DCLK2: variants seen among roughly 807,000 people sequenced by gnomAD.
DCLK2 encodes the protein serine/threonine-protein kinase DCLK2.
A neutral mutation model predicts 78.4 loss-of-function variants in DCLK2; 31 were observed. That is an observed-to-expected ratio of 0.40 (90% CI 0.30 to 0.53). DCLK2 has a LOEUF of 0.53. DCLK2 is among the 20% of genes least tolerant of loss of function. The pLI, the probability that DCLK2 is intolerant of heterozygous loss-of-function variation, is 0.61. For synonymous variants in DCLK2, 407 were observed against 374.9 expected (o/e 1.09, Z -0.99); for missense variants, 872 against 973.7 (o/e 0.90, Z 1.39).
At chr4:150,185,715 A>T (rs993727740) in intron 2 of DCLK2, among the ~76,000 whole-genome samples, 1 of 1,460 alleles carries the variant, frequency 6.8e-4, no homozygotes, top group Non-Finnish European at 2.1e-3. Flanking sequence ...TTTCATCTCA[A>T]AAAAAAAAAA....
intron 15 of DCLK2, among the ~76,000 whole-genome samples, chr4:150,250,168 A>G (rs547497465): frequency 2.0e-5 from 3 of 152,220 alleles, no homozygotes; most frequent in Non-Finnish European, 4.4e-5. Flanking sequence ...GGGCTTTTAA[A>G]GGTACATAAT....
chr4:150,101,814 A>C (rs927713903), intron 1 of DCLK2, among the ~76,000 whole-genome samples: 2 of 152,194 alleles, frequency 1.3e-5, no homozygotes, highest in African/African-American at 4.8e-5. Flanking sequence ...ATTTAAGTAG[A>C]TACAGAAAAG....
At chr4:150,242,049 G>A (rs1463317375) in intron 12 of DCLK2, among the ~76,000 whole-genome samples, 1 of 152,090 alleles carries the variant, frequency 6.6e-6, no homozygotes, top group Non-Finnish European at 1.5e-5. Flanking sequence ...ATTTTATTGT[G>A]AAAACTTTCA....
chr4:150,247,472 A>G (rs1743410129), intron 12 of DCLK2, 131 bp from the exon 13 acceptor site: 2 of 646,838 alleles, frequency 3.1e-6, no homozygotes, highest in Admixed American at 2.7e-5. Flanking sequence ...ATTGAGATAC[A>G]TAATTGAGAT....
At chr4:150,223,140 T>G (rs2126537327) in intron 7 of DCLK2, among the ~76,000 whole-genome samples, 1 of 152,304 alleles carries the variant, frequency 6.6e-6, no homozygotes, top group Admixed American at 6.5e-5. Flanking sequence ...GTTCTCTGAG[T>G]CCTTTTACCC....
intron 5 of DCLK2, among the ~76,000 whole-genome samples, chr4:150,215,825 G>A (rs760437451): frequency 3.3e-5 from 5 of 152,198 alleles, no homozygotes; most frequent in Non-Finnish European, 5.9e-5. Flanking sequence ...TCAGGGTATG[G>A]GGCAGGACCT....
At chr4:150,219,695 G>A (rs1741027757) in intron 5 of DCLK2, among the ~76,000 whole-genome samples, 1 of 152,158 alleles carries the variant, frequency 6.6e-6, no homozygotes, top group South Asian at 2.1e-4. Context: ...TTATTCTCTA[G>A]CAAATCTTTG....
intron 2 of DCLK2, among the ~76,000 whole-genome samples, chr4:150,156,123 G>A (rs1385022554): frequency 2.6e-5 from 4 of 152,160 alleles, no homozygotes; most frequent in Admixed American, 6.6e-5. Flanking sequence ...CTTGACCTAA[G>A]TGGAGGTTGC....
rs561666637 is a variant in DCLK2, at chr4:150,157,144, A to G, written c.757-35994A>G. ...GTGATGGAAAATACATTTCTGCGTT[A>G]GCTGGTTTAGTGTTTCTCACCTGTT... On this transcript the variant is annotated intron_variant, in intron 2 of 15. Coordinates refer to ENST00000296550, the MANE Select transcript of DCLK2 (RefSeq NM_001040260.4). 2.1e-5 allele frequency among the ~76,000 whole-genome samples: 3 copies of G among 146,176 alleles called. No homozygotes were observed. The Admixed American group carries it at 2.1e-4, about 10-fold the overall frequency.
intron 2 of DCLK2, among the ~76,000 whole-genome samples, chr4:150,156,146 A>G (rs1735254479): frequency 6.6e-6 from 1 of 151,886 alleles, no homozygotes. Flanking sequence ...GTGATTAGGA[A>G]CCTCTGCGAA....
At chr4:150,241,914 A>G (rs1742956672) in intron 12 of DCLK2, among the ~76,000 whole-genome samples, 3 of 152,156 alleles carry the variant, frequency 2.0e-5, no homozygotes, top group Non-Finnish European at 4.4e-5. Context: ...CTACCATCAC[A>G]TTGGGCATTA....
chr4:150,226,737 T>G (rs1054058816), intron 8 of DCLK2, among the ~76,000 whole-genome samples: 1 of 152,218 alleles, frequency 6.6e-6, no homozygotes, highest in Admixed American at 6.5e-5. Context: ...CAAATATTTT[T>G]CCACTTTTAC....
chr4:150,209,057 G>C (rs1740095399), intron 5 of DCLK2, among the ~76,000 whole-genome samples: 1 of 152,174 alleles, frequency 6.6e-6, no homozygotes, highest in Non-Finnish European at 1.5e-5. Context: ...CCAGCCCCAA[G>C]GACACAGTGG....
At chr4:150,227,749 A>G (rs956144083) in intron 8 of DCLK2, among the ~76,000 whole-genome samples, 6 of 152,204 alleles carry the variant, frequency 3.9e-5, no homozygotes, top group Non-Finnish European at 8.8e-5. Flanking sequence ...CAAAGCTCTG[A>G]GCTTTCTGTT....
chr4:150,135,653 G>A (rs537632660), intron 2 of DCLK2, among the ~76,000 whole-genome samples: 1 of 152,332 alleles, frequency 6.6e-6, no homozygotes, highest in African/African-American at 2.4e-5. Flanking sequence ...CTGAAGAAAG[G>A]ATAAGGATTT....
chr4:150,089,588 G>A (rs10002404), intron 1 of DCLK2, among the ~76,000 whole-genome samples: 57,616 of 151,978 alleles, frequency 0.38, 11,160 homozygotes, highest in Non-Finnish European at 0.42. Flanking sequence ...TAAAAATCCA[G>A]CATCCAAATT....
chr4:150,218,644 C>A (rs1421160142), intron 5 of DCLK2, among the ~76,000 whole-genome samples: 2 of 152,172 alleles, frequency 1.3e-5, no homozygotes, highest in African/African-American at 2.4e-5. Context: ...AGTCCTGAGG[C>A]CTAAGTGCTG....
chr4:150,141,179 T>G (rs1028007193), intron 2 of DCLK2, among the ~76,000 whole-genome samples: 1 of 152,184 alleles, frequency 6.6e-6, no homozygotes, highest in Admixed American at 6.5e-5. Flanking sequence ...TGTCAGTAAA[T>G]TCTCTGAAAT....
intron 2 of DCLK2, among the ~76,000 whole-genome samples, chr4:150,127,029 C>T (rs1410139780): frequency 6.6e-6 from 1 of 152,110 alleles, no homozygotes. Flanking sequence ...TGTGGTTATG[C>T]ATTTTTGGCA....
Sources: gnomAD v4.1 joint callset for allele counts (sites outside exome capture counted in the v4.1 genomes callset) on GRCh38, gnomAD v4.1.1 for gene constraint, MANE v1.5 for transcripts, NCBI Gene and HGNC (gene_info 2026-07-23, HGNC 2026-07-21) for gene names.